MEIS2: variants seen among roughly 807,000 people sequenced by gnomAD.
MEIS2 encodes homeobox protein Meis2.
Under a neutral mutation model 58.6 loss-of-function variants are expected in MEIS2, and 9 were observed. The observed-to-expected ratio is 0.15, with a 90% CI of 0.09 to 0.27. The LOEUF (loss-of-function observed/expected upper bound fraction) is 0.27. Ranked by LOEUF, MEIS2 falls within the 10% of genes least tolerant of loss-of-function variation. The probability of loss-of-function intolerance (pLI) is 1.00; values close to 1 mark genes in which losing one functional copy is unlikely to be tolerated. For synonymous variants in MEIS2, 221 were observed against 228.4 expected (o/e 0.97, Z 0.29); for missense variants, 427 against 635.0 (o/e 0.67, Z 3.52).
chr15:37,036,957 C>T lies in MEIS2; in HGVS notation c.757G>A (p.Asp253Asn). 2 of 1,597,488 alleles carry T rather than the reference C, an allele frequency of 1.3e-6. No individual in the cohort carries two copies. The highest frequency in any genetic ancestry group is 1.7e-6 in the Non-Finnish European group (2 of 1,174,870). The change falls in exon 8 of 12, where the codon GAT (aspartate) becomes AAT (asparagine). Residue 253 changes from aspartate (D) to asparagine (N), a missense_variant and splice_region_variant. Physicochemically the swap from Asp to Asn is conservative, Grantham distance 23. Transcript: ENST00000561208. ...QSGDNSSEQG[D>N]GLDNSVASPG... ...GAAGCTACACTGTTGTCTAAACCAT[C>T]CCCTAGTAGAAAGAAATAAAAATAC...
chr15:36,943,964 C>T (rs564631002), intron 9 of MEIS2, among the ~76,000 whole-genome samples: 1 of 152,110 alleles, frequency 6.6e-6, no homozygotes, highest in East Asian at 1.9e-4. Context: ...GGAAATGGTA[C>T]TCCCATCTCT....
chr15:37,065,921 A>C (rs932223884), intron 7 of MEIS2, among the ~76,000 whole-genome samples: 7 of 152,212 alleles, frequency 4.6e-5, no homozygotes, highest in African/African-American at 1.7e-4. Flanking sequence ...ATGCTAAAAC[A>C]CAAATAAGCA....
At chr15:37,053,648 G>A (rs896124727) in intron 7 of MEIS2, among the ~76,000 whole-genome samples, 4 of 152,050 alleles carry the variant, frequency 2.6e-5, no homozygotes, top group African/African-American at 9.7e-5. Flanking sequence ...CAAAAGTGCT[G>A]TATTATTTAA....
chr15:36,896,723 G>A (rs149348624), intron 9 of MEIS2, 37 bp from the exon 10 acceptor site: 36 of 1,555,522 alleles, frequency 2.3e-5, no homozygotes, highest in African/African-American at 1.4e-4. Flanking sequence ...ATCATACTCC[G>A]TTTCTGTACT....
At chr15:37,005,275 G>A (rs773467746) in intron 8 of MEIS2, among the ~76,000 whole-genome samples, 1 of 152,164 alleles carries the variant, frequency 6.6e-6, no homozygotes, top group African/African-American at 2.4e-5. Context: ...AAAAGTCAAA[G>A]GACATTTTTA....
intron 8 of MEIS2, among the ~76,000 whole-genome samples, chr15:37,015,747 C>T (rs1415540805): frequency 6.6e-6 from 1 of 152,002 alleles, no homozygotes; most frequent in Non-Finnish European, 1.5e-5. Flanking sequence ...TTTTTTCCCC[C>T]TGTGCAGTGC....
chr15:37,063,549 G>A lies in MEIS2; in HGVS notation c.754+20222C>T, dbSNP rs139706345. The stretch of plus-strand genomic sequence containing the variant: ...TTATGAGGATTAAATTATACTAAAC[G>A]TACAGCACAATGTTGGGCATAGAGT... On this transcript the variant is annotated intron_variant, in intron 7 of 11. Coordinates refer to ENST00000561208, the MANE Select transcript of MEIS2 (RefSeq NM_170675.5). Among the ~76,000 whole-genome samples, 460 of 152,264 alleles carry A rather than the reference G, an allele frequency of 3.0e-3. 7 individuals carry two copies. The highest frequency in any genetic ancestry group is 0.025 in the Admixed American group (386 of 15,292).
chr15:37,093,506 C>T, intron 6 of MEIS2, 75 bp downstream of exon 6: 9 of 1,537,524 alleles, frequency 5.9e-6, no homozygotes, highest in Non-Finnish European at 8.0e-6. Context: ...ATCAGTGGAG[C>T]TAGATGTTAA....
At chr15:37,091,824 A>T (rs911515741) in intron 6 of MEIS2, among the ~76,000 whole-genome samples, 22 of 152,238 alleles carry the variant, frequency 1.4e-4, no homozygotes, top group African/African-American at 5.1e-4. Context: ...AAATATCATG[A>T]GAAAAGCTTT....
chr15:36,989,523 C>T (rs1055435557), intron 8 of MEIS2, among the ~76,000 whole-genome samples: 2 of 152,140 alleles, frequency 1.3e-5, no homozygotes, highest in African/African-American at 2.4e-5. Context: ...AGGGTCAGCT[C>T]GGACTACAAC....
intron 9 of MEIS2, among the ~76,000 whole-genome samples, chr15:36,908,247 A>T (rs576038091): frequency 6.6e-6 from 1 of 152,306 alleles, no homozygotes; most frequent in East Asian, 1.9e-4. Flanking sequence ...AGTCTTTCCA[A>T]TGTGACGGTA....
chr15:36,996,729 C>T (rs1049898397), intron 8 of MEIS2, among the ~76,000 whole-genome samples: 1 of 152,192 alleles, frequency 6.6e-6, no homozygotes, highest in Non-Finnish European at 1.5e-5. Flanking sequence ...ACCTGACTGT[C>T]TCATAACTTC....
At chr15:37,014,026 G>A (rs1447238189) in intron 8 of MEIS2, among the ~76,000 whole-genome samples, 1 of 152,178 alleles carries the variant, frequency 6.6e-6, no homozygotes, top group Non-Finnish European at 1.5e-5. Flanking sequence ...AGACTTAATG[G>A]CAAGATGAAA....
intron 9 of MEIS2, among the ~76,000 whole-genome samples, chr15:36,940,170 C>T (rs1359290977): frequency 6.6e-6 from 1 of 152,088 alleles, no homozygotes; most frequent in African/African-American, 2.4e-5. Context: ...TGGGTTATGG[C>T]CCCATTTCCA....
intron 1 of MEIS2, chr15:37,098,465 CGAGCACAAGTT>C (rs1396862124): frequency 6.6e-6 from 7 of 1,062,514 alleles, no homozygotes; most frequent in Non-Finnish European, 8.4e-6. Context: ...AGAAAAGTAC[CGAGCACAAGTT>C]GAGCACACAG....
intron 8 of MEIS2, among the ~76,000 whole-genome samples, chr15:36,991,422 AGTTCCCATTTT>A (rs1306598349): frequency 4.0e-5 from 6 of 151,190 alleles, no homozygotes; most frequent in Non-Finnish European, 8.8e-5. Flanking sequence ...AAGCAAAAGG[AGTTCCCATTTT>A]CACTAATTCT....
intron 9 of MEIS2, among the ~76,000 whole-genome samples, chr15:36,941,685 C>T (rs1454406676): frequency 6.6e-6 from 1 of 152,164 alleles, no homozygotes; most frequent in Non-Finnish European, 1.5e-5. Context: ...ATACAAACAT[C>T]TGTGACCATC....
intron 4 of MEIS2, among the ~76,000 whole-genome samples, 156 bp from the exon 5 acceptor site, chr15:37,094,733 G>GA (rs1226549941): frequency 1.2e-4 from 19 of 152,082 alleles, no homozygotes; most frequent in Middle Eastern, 3.4e-3. Flanking sequence ...GAAATAGTCA[G>GA]AAAAATCAAG....
chr15:36,995,349 A>T (rs979186515), intron 8 of MEIS2, among the ~76,000 whole-genome samples: 2 of 152,070 alleles, frequency 1.3e-5, no homozygotes, highest in African/African-American at 4.8e-5. Flanking sequence ...ATTGCATGCC[A>T]CTTCAAATGA....
Sources: gnomAD v4.1 joint callset for allele counts (sites outside exome capture counted in the v4.1 genomes callset) on GRCh38, gnomAD v4.1.1 for gene constraint, MANE v1.5 for transcripts, NCBI Gene and HGNC (gene_info 2026-07-23, HGNC 2026-07-21) for gene names.